ZNF138: variants seen among roughly 807,000 people sequenced by gnomAD.
The protein encoded by ZNF138 is zinc finger protein 138 (clone pHZ-32).
In ZNF138, 33 loss-of-function variants were observed where a neutral mutation model predicts 33.0. The observed-to-expected ratio is 1.00, with a 90% CI of 0.76 to 1.34. The LOEUF is 1.34. Among genes scored for constraint, ZNF138 ranks in the 40% most tolerant of loss-of-function variants. ZNF138 has a pLI of 0.00. For synonymous variants in ZNF138, 139 were observed against 120.4 expected (o/e 1.15, Z -1.01); for missense variants, 360 against 370.8 (o/e 0.97, Z 0.24).
At chr7:64,820,856 A>T (rs1789068437) in intron 3 of ZNF138, among the ~76,000 whole-genome samples, 1 of 151,478 alleles carries the variant, frequency 6.6e-6, no homozygotes, top group Non-Finnish European at 1.5e-5. Flanking sequence ...GAGCCACTGC[A>T]CCCAGCCCAT....
intron 1 of ZNF138, 79 bp downstream of exon 1, chr7:64,794,650 T>C: frequency 6.2e-7 from 1 of 1,600,974 alleles, no homozygotes; most frequent in Non-Finnish European, 8.5e-7. Context: ...GTGGCAGTAC[T>C]CGGGTCTTCC....
chr7:64,823,141 A>G (rs1789304070), intron 3 of ZNF138, among the ~76,000 whole-genome samples: 1 of 152,164 alleles, frequency 6.6e-6, no homozygotes, highest in South Asian at 2.1e-4. Flanking sequence ...CGGCCTCCCA[A>G]AATGCTGGGA....
chr7:64,828,944 T>G (rs569210618), intron 3 of ZNF138, among the ~76,000 whole-genome samples: 21 of 152,160 alleles, frequency 1.4e-4, no homozygotes, highest in Admixed American at 2.0e-4. Context: ...TTTACAACAC[T>G]TATTATTTCA....
chr7:64,818,813 G>A (rs1788884639), intron 3 of ZNF138, among the ~76,000 whole-genome samples: 1 of 151,706 alleles, frequency 6.6e-6, no homozygotes, highest in African/African-American at 2.4e-5. Context: ...TGGTTATGCT[G>A]CATTTCCTCT....
At chr7:64,848,546 TTATTTCTTG>T in the ZNF138 span, among the ~76,000 whole-genome samples, 3 of 151,934 alleles carry the variant, frequency 2.0e-5, no homozygotes, top group Non-Finnish European at 4.4e-5. Context: ...ATTTCTCCCC[TTATTTCTTG>T]TATTTTTTTT....
At chr7:64,853,451 G>A in the ZNF138 span, 1,910 of 655,568 alleles carry the variant, frequency 2.9e-3, 31 homozygotes, top group African/African-American at 0.032. Context: ...TTTGCGCCCC[G>A]AGTTAAACTT....
chr7:64,801,455 T>C (rs1446608265), intron 1 of ZNF138, among the ~76,000 whole-genome samples: 2 of 152,178 alleles, frequency 1.3e-5, no homozygotes. Context: ...TTAATTTCCA[T>C]GTACTTGTAT....
At chr7:64,818,835 G>C (rs1583853703) in intron 3 of ZNF138, among the ~76,000 whole-genome samples, 1 of 151,604 alleles carries the variant, frequency 6.6e-6, no homozygotes, top group Non-Finnish European at 1.5e-5. Context: ...AAATTTTACT[G>C]CCATACAGTG....
intron 3 of ZNF138, among the ~76,000 whole-genome samples, chr7:64,827,111 AT>A (rs36019796): frequency 0.69 from 103,160 of 148,808 alleles, 35,955 homozygotes; most frequent in East Asian, 0.85. Context: ...TCATTTTAGC[AT>A]TTTTTTTTTT....
chr7:64,845,091 A>T, the ZNF138 span, among the ~76,000 whole-genome samples: 1 of 151,202 alleles, frequency 6.6e-6, no homozygotes, highest in Non-Finnish European at 1.5e-5. Flanking sequence ...CCTTCCCAAC[A>T]CTCCTCTCTG....
chr7:64,830,733 T>A (rs970774562), intron 3 of ZNF138, among the ~76,000 whole-genome samples: 19 of 152,178 alleles, frequency 1.2e-4, no homozygotes, highest in African/African-American at 4.6e-4. Flanking sequence ...ATTTGAACAT[T>A]AAAAAAAGCT....
At chr7:64,841,460 T>C in the ZNF138 span, among the ~76,000 whole-genome samples, 2 of 152,042 alleles carry the variant, frequency 1.3e-5, no homozygotes, top group African/African-American at 2.4e-5. Flanking sequence ...TGCTCCATGA[T>C]AAGCCATAAA....
In ZNF138 at chr7:64,831,963, CATA is replaced by C. The variant is rs778655038; in HGVS notation, c.723_725del (p.His241_Lys242delinsGln). ...TCACCAATCCTCAATCCTTACTAAACATAAGATAATTCGTACTGGAGAAAAACC... is the reference window on the plus strand; with the variant it reads ...TCACCAATCCTCAATCCTTACTAAACAGATAATTCGTACTGGAGAAAAACC... On this transcript the variant is annotated inframe_deletion, in exon 4 of 4. Transcript: ENST00000307355. The C allele has an allele frequency of 3.8e-5, 61 of 1,613,206 alleles. No homozygotes were observed. The highest frequency in any genetic ancestry group is 5.2e-5 in the Non-Finnish European group (61 of 1,179,698).
chr7:64,813,171 G>A (rs950058513), intron 1 of ZNF138, among the ~76,000 whole-genome samples: 9 of 152,206 alleles, frequency 5.9e-5, no homozygotes, highest in East Asian at 1.9e-4. Flanking sequence ...AATACTCAAG[G>A]TTTCTGTTGG....
At chr7:64,833,902 T>C (rs1790286998), downstream of ZNF138, among the ~76,000 whole-genome samples, 1 of 152,182 alleles carries the variant, frequency 6.6e-6, no homozygotes, top group African/African-American at 2.4e-5. Context: ...GTTTTGTATT[T>C]TTTAGTAGAG....
chr7:64,838,732 A>G, the ZNF138 span, among the ~76,000 whole-genome samples: 1 of 152,164 alleles, frequency 6.6e-6, no homozygotes, highest in African/African-American at 2.4e-5. Flanking sequence ...GTGGACTGGT[A>G]TGGCACTACA....
chr7:64,811,437 C>G (rs1313469559), intron 1 of ZNF138, among the ~76,000 whole-genome samples: 1 of 152,154 alleles, frequency 6.6e-6, no homozygotes, highest in Non-Finnish European at 1.5e-5. Context: ...CCTCTTCCTC[C>G]TAAGTTCAAG....
chr7:64,818,088 G>GTTCAAGTGA (rs112458909), intron 3 of ZNF138, among the ~76,000 whole-genome samples: 148,440 of 150,614 alleles, frequency 0.99, 73,186 homozygotes, highest in East Asian at 1. Context: ...TGTCTCCCAG[G>GTTCAAGTGA]TTCTCCTTCC....
chr7:64,858,428 A>G, the ZNF138 span, among the ~76,000 whole-genome samples: 1 of 152,252 alleles, frequency 6.6e-6, no homozygotes, highest in Non-Finnish European at 1.5e-5. Context: ...TTATCAAGGA[A>G]AAAACCATAA....
Sources: gnomAD v4.1 joint callset for allele counts (sites outside exome capture counted in the v4.1 genomes callset) on GRCh38, gnomAD v4.1.1 for gene constraint, MANE v1.5 for transcripts, NCBI Gene and HGNC (gene_info 2026-07-23, HGNC 2026-07-21) for gene names.